FGF10: variants seen among roughly 807,000 people sequenced by gnomAD.
FGF10 encodes FGF-10.
In FGF10, 2 loss-of-function variants were observed where a neutral mutation model predicts 19.8. That is an observed-to-expected ratio of 0.10 (90% CI 0.04 to 0.32). The LOEUF (loss-of-function observed/expected upper bound fraction) is 0.32, where lower values mean the gene tolerates loss of function less well. FGF10 is among the 10% of genes least tolerant of loss of function. FGF10 has a pLI of 1.00. For missense variants in FGF10, 191 were observed against 246.3 expected, an observed-to-expected ratio of 0.78 and a Z score of 1.50; for synonymous variants, 112 against 94.0, an observed-to-expected ratio of 1.19 and a Z score of -1.10.
At chr5:44,343,847 A>C (rs1424722001) in intron 1 of FGF10, among the ~76,000 whole-genome samples, 1 of 152,004 alleles carries the variant, frequency 6.6e-6, no homozygotes, top group African/African-American at 2.4e-5. Flanking sequence ...GTCTTTAAAA[A>C]TACATTAATT....
intron 1 of FGF10, among the ~76,000 whole-genome samples, chr5:44,314,923 A>G (rs1740301121): frequency 6.6e-6 from 1 of 152,164 alleles, no homozygotes; most frequent in Admixed American, 6.6e-5. Context: ...TATTTAATAG[A>G]ATGGATATAG....
chr5:44,311,617 A>G (rs1740212288), intron 1 of FGF10, among the ~76,000 whole-genome samples: 1 of 152,132 alleles, frequency 6.6e-6, no homozygotes, highest in South Asian at 2.1e-4. Flanking sequence ...GATAGTACCT[A>G]TAAAATTATT....
chr5:44,336,068 T>C (rs996063769), intron 1 of FGF10, among the ~76,000 whole-genome samples: 3 of 152,038 alleles, frequency 2.0e-5, no homozygotes, highest in African/African-American at 7.2e-5. Context: ...ATCTTTATCA[T>C]TGTATATTAA....
At chr5:44,385,906 G>T (rs1742086412) in intron 1 of FGF10, among the ~76,000 whole-genome samples, 2 of 152,058 alleles carry the variant, frequency 1.3e-5, no homozygotes, top group Non-Finnish European at 2.9e-5. Context: ...GCTATGTTTT[G>T]ACACAGATGT....
chr5:44,344,056 G>C (rs1011562049), intron 1 of FGF10, among the ~76,000 whole-genome samples: 3 of 151,890 alleles, frequency 2.0e-5, no homozygotes, highest in African/African-American at 7.2e-5. Flanking sequence ...TCTGATTAAA[G>C]AACTAGAGGT....
At chr5:44,382,527 T>C (rs2111922655) in intron 1 of FGF10, among the ~76,000 whole-genome samples, 1 of 152,284 alleles carries the variant, frequency 6.6e-6, no homozygotes, top group Non-Finnish European at 1.5e-5. Flanking sequence ...AGCTATTCTT[T>C]GTTGTACTGA....
At chr5:44,320,370 T>A (rs1189675873) in intron 1 of FGF10, among the ~76,000 whole-genome samples, 1 of 152,200 alleles carries the variant, frequency 6.6e-6, no homozygotes. Context: ...TGCACTTGTT[T>A]CAGTCACAGT....
chr5:44,321,285 T>C (rs1019141678), intron 1 of FGF10, among the ~76,000 whole-genome samples: 4 of 152,184 alleles, frequency 2.6e-5, no homozygotes, highest in Admixed American at 6.6e-5. Flanking sequence ...GGCACAATTG[T>C]TAGAGAGGAC....
intron 1 of FGF10, among the ~76,000 whole-genome samples, chr5:44,362,315 C>T (rs1741507997): frequency 6.6e-6 from 1 of 151,678 alleles, no homozygotes. Context: ...CTTCTTGAAA[C>T]TTGAATTGAC....
intron 1 of FGF10, among the ~76,000 whole-genome samples, chr5:44,382,219 G>A (rs1452862365): frequency 6.6e-6 from 1 of 152,164 alleles, no homozygotes; most frequent in Non-Finnish European, 1.5e-5. Context: ...TCTACTCTGA[G>A]TGTCTTCTTT....
In FGF10 at chr5:44,388,651, G is replaced by A. The variant is rs2111941100; in HGVS notation, c.32C>T (p.Ser11Leu). The change falls in exon 1 of 3, where the codon TCA (serine) becomes TTA (leucine). Residue 11 changes from serine to leucine, a missense_variant. Transcript: ENST00000264664. ...GCAGCCGGGCAGGTGGGGAAAGGCT[G>A]AGGCACAATGTGTCAGTATCCATTT... is the stretch of plus-strand genomic sequence containing the variant. Reference protein sequence around the residue: MWKWILTHCASAFPHLPGCCC... With the variant: MWKWILTHCALAFPHLPGCCC... The A allele has an allele frequency of 6.2e-7, 1 of 1,614,130 alleles. No individual in the cohort carries two copies. Among genetic ancestry groups the A allele is most frequent in the Admixed American group, 1.7e-5 (1 of 60,026 alleles).
In FGF10 at chr5:44,302,947, A is replaced by T. The variant is rs1325203471; in HGVS notation, c.*2048T>A. Among the ~76,000 whole-genome samples, 1 of 152,140 alleles carries T rather than the reference A, an allele frequency of 6.6e-6. No homozygotes were observed. Among genetic ancestry groups the T allele is most frequent in the African/African-American group, 2.4e-5 (1 of 41,446 alleles). On this transcript the variant is annotated 3_prime_UTR_variant, in exon 3 of 3. Transcript: ENST00000264664. ...GGTCTATGTTTATGTGTCAGGTGCA[A>T]TTATTATTTTAAAATAAAGGAAAAA...
At chr5:44,350,991 A>G (rs879774432) in intron 1 of FGF10, among the ~76,000 whole-genome samples, 5 of 151,478 alleles carry the variant, frequency 3.3e-5, no homozygotes, top group Non-Finnish European at 4.4e-5. Context: ...AAGTACTTAA[A>G]GTAGGTAAAT....
rs76858239 is a variant in FGF10, at chr5:44,379,374, G to A, written c.325+8984C>T. 7.9e-5 allele frequency among the ~76,000 whole-genome samples: 12 copies of A among 152,244 alleles called. No homozygotes were observed. The East Asian group carries it at 9.6e-4, about 12-fold the overall frequency. ...TGAATGAATCAATGAATGAATATAC[G>A]ATCTCATTTCATCTTTACCATGTAG... On this transcript the variant is annotated intron_variant, in intron 1 of 2. Coordinates refer to ENST00000264664, the MANE Select transcript of FGF10 (RefSeq NM_004465.2).
chr5:44,371,598 C>A (rs1017582936), intron 1 of FGF10, among the ~76,000 whole-genome samples: 3 of 152,056 alleles, frequency 2.0e-5, no homozygotes, highest in African/African-American at 7.2e-5. Context: ...TTGAATGTAT[C>A]GCCCAAAGGA....
At chr5:44,349,453 T>TATCAGAATATATATATATATCAGA (rs1554038156) in intron 1 of FGF10, among the ~76,000 whole-genome samples, 1,498 of 22,752 alleles carry the variant, frequency 0.066, 19 homozygotes, top group Non-Finnish European at 0.091. Context: ...TATATATATA[T>TATCAGAATATATATATATATCAGA]ATATATATAT....
At chr5:44,308,034 C>G (rs1740123318) in intron 2 of FGF10, among the ~76,000 whole-genome samples, 1 of 152,184 alleles carries the variant, frequency 6.6e-6, no homozygotes, top group Non-Finnish European at 1.5e-5. Flanking sequence ...ACTGACCTCA[C>G]TCTCTCCAAG....
chr5:44,367,912 A>G (rs1741656449), intron 1 of FGF10, among the ~76,000 whole-genome samples: 1 of 151,952 alleles, frequency 6.6e-6, no homozygotes, highest in Admixed American at 6.6e-5. Flanking sequence ...ATTTAAAAAA[A>G]ACACAGTGGC....
chr5:44,360,952 A>G (rs973646022), intron 1 of FGF10, among the ~76,000 whole-genome samples: 1 of 151,714 alleles, frequency 6.6e-6, no homozygotes, highest in Non-Finnish European at 1.5e-5. Flanking sequence ...AAGCATAGGT[A>G]AATTCTCTAA....
Sources: gnomAD v4.1 joint callset for allele counts (sites outside exome capture counted in the v4.1 genomes callset) on GRCh38, gnomAD v4.1.1 for gene constraint, MANE v1.5 for transcripts, NCBI Gene and HGNC (gene_info 2026-07-23, HGNC 2026-07-21) for gene names.